Variants in OPN3 observed in about 807,000 individuals in gnomAD.
OPN3 encodes opsin 3, also known as opsin-3.
In OPN3, 29 loss-of-function variants were observed where a neutral mutation model predicts 33.8. The ratio of observed to expected loss-of-function variants is 0.86; its 90% CI spans 0.64 to 1.17. The LOEUF (loss-of-function observed/expected upper bound fraction) is 1.17. Ranked by LOEUF, OPN3 falls within the 50% of genes most tolerant of loss-of-function variation. OPN3 has a pLI of 0.00. For missense variants in OPN3, 437 were observed against 514.1 expected (o/e 0.85, Z 1.45); for synonymous variants, 216 against 216.1 (o/e 1.00, Z 0.00).
chr1:241,636,620 G>T (rs1167374534), intron 1 of OPN3, among the ~76,000 whole-genome samples: 1 of 151,964 alleles, frequency 6.6e-6, no homozygotes, highest in African/African-American at 2.4e-5. Flanking sequence ...TATTACAAAA[G>T]GATTAATTCA....
intron 2 of OPN3, among the ~76,000 whole-genome samples, chr1:241,604,012 G>C (rs1663752013): frequency 6.6e-6 from 1 of 152,160 alleles, no homozygotes; most frequent in South Asian, 2.1e-4. Context: ...TGCTGATTTT[G>C]TCAGTCAGAA....
intron 1 of OPN3, among the ~76,000 whole-genome samples, chr1:241,626,690 C>G (rs556311441): frequency 2.0e-5 from 3 of 152,252 alleles, no homozygotes; most frequent in Admixed American, 2.0e-4. Flanking sequence ...GTAAACTTAA[C>G]TTACAAATAT....
chr1:241,622,494 C>G (rs142570337), intron 1 of OPN3, among the ~76,000 whole-genome samples: 3,313 of 152,226 alleles, frequency 0.022, 51 homozygotes, highest in South Asian at 0.037. Context: ...CATGACAACC[C>G]ACCACCCACC....
chr1:241,595,571 A>G (rs1663481842), intron 3 of OPN3: 1 of 152,240 alleles, frequency 6.6e-6, no homozygotes. Flanking sequence ...CATTATTTAG[A>G]GCGAAATAAA....
intron 1 of OPN3, chr1:241,630,798 T>G (rs1162419878): frequency 6.6e-6 from 1 of 152,114 alleles, no homozygotes. Context: ...GATGAATTTT[T>G]GAAAAGTTAT....
rs756733101 is a variant in OPN3, at chr1:241,634,374, T to C, written c.373+5508A>G. On this transcript the variant is annotated intron_variant, in intron 1 of 3. Transcript: ENST00000366554. ...TGCTGATCTAAATCTGTCTTTAGTA[T>C]AGACTGATCTGTAATGAGTACTGCC... 6.2e-7 allele frequency: 1 copy of C among 1,613,858 alleles called. No homozygotes were observed. Among genetic ancestry groups the C allele is most frequent in the Non-Finnish European group, 8.5e-7 (1 of 1,179,916 alleles).
In OPN3 at chr1:241,624,494, G is replaced by A. The variant is rs35715154; in HGVS notation, c.373+15388C>T. ...AAGCATTCCTAGATTTCCCTAGCAG[G>A]ACTACTCTGTTTATATACTGCAGAA... On this transcript the variant is annotated intron_variant, in intron 1 of 3. Transcript: ENST00000366554. Among the ~76,000 whole-genome samples, 302 of 152,266 alleles carry A rather than the reference G, an allele frequency of 2.0e-3. 1 individual carries two copies. Among genetic ancestry groups the A allele is most frequent in the Non-Finnish European group, 3.6e-3 (244 of 68,026 alleles).
At chr1:241,599,704 G>T (rs185540331) in intron 2 of OPN3, among the ~76,000 whole-genome samples, 23 of 152,240 alleles carry the variant, frequency 1.5e-4, no homozygotes, top group Admixed American at 1.0e-3. Context: ...GGAATTAGAA[G>T]ATCTAAGTTT....
intron 1 of OPN3, among the ~76,000 whole-genome samples, chr1:241,610,089 G>A (rs1399625284): frequency 6.6e-6 from 1 of 152,182 alleles, no homozygotes; most frequent in Non-Finnish European, 1.5e-5. Flanking sequence ...ACCCCCCAGC[G>A]GTTTTGAAGA....
chr1:241,613,099 T>G (rs6668314), intron 1 of OPN3, among the ~76,000 whole-genome samples: 1,562 of 152,318 alleles, frequency 0.01, 39 homozygotes, highest in African/African-American at 0.036. Flanking sequence ...AAGTAACCAA[T>G]TCTTCTTTGA....
chr1:241,593,512 T>A lies in OPN3; in HGVS notation c.*916A>T, dbSNP rs552877776. 25 of 294,658 alleles carry A rather than the reference T, an allele frequency of 8.5e-5. No individual in the cohort carries two copies. The highest frequency in any genetic ancestry group is 7.0e-4 in the South Asian group (22 of 31,512). 18.3% of individuals were successfully genotyped at this position (294,658 alleles called of 1,614,324 possible). On this transcript the variant is annotated 3_prime_UTR_variant, in exon 4 of 4. Transcript: ENST00000366554. Reference sequence around the variant, plus strand: ...CAATGAAAACCTTGAGTTCTAATAATCCATGTTCAGTTTGTAGGGAAAGAA... The same window carrying A: ...CAATGAAAACCTTGAGTTCTAATAAACCATGTTCAGTTTGTAGGGAAAGAA...
At chr1:241,613,954 G>C (rs1398360573) in intron 1 of OPN3, 1 of 152,148 alleles carries the variant, frequency 6.6e-6, no homozygotes, top group Non-Finnish European at 1.5e-5. Flanking sequence ...GATCACCTGA[G>C]GTCAGGAGTT....
chr1:241,597,993 C>T lies in OPN3; in HGVS notation c.698G>A (p.Arg233His), dbSNP rs568529793. 5.1e-5 allele frequency: 82 copies of T among 1,612,648 alleles called. No individual in the cohort carries two copies. The Admixed American group carries it at 7.7e-4, about 15-fold the overall frequency. ...GHILYSIRML[R>H]CVEDLQTIQV... The stretch of plus-strand genomic sequence containing the variant: ...AATTGTCTGAAGATCTTCCACACAA[C>T]GAAGCTGCAGAAAGGAGAAAGAAAG... Residue 233 changes from arginine (R) to histidine (H), a missense_variant, in exon 3 of 4, where the codon CGT (arginine) becomes CAT (histidine). Transcript: ENST00000366554.
chr1:241,631,926 A>T (rs1302069760), intron 1 of OPN3: 1 of 152,112 alleles, frequency 6.6e-6, no homozygotes, highest in Non-Finnish European at 1.5e-5. Flanking sequence ...AGAATCACAA[A>T]AGGCTGGGTC....
chr1:241,627,547 C>G (rs1311825372), intron 1 of OPN3, among the ~76,000 whole-genome samples: 1 of 152,154 alleles, frequency 6.6e-6, no homozygotes, highest in Non-Finnish European at 1.5e-5. Context: ...ATGTAGTTGT[C>G]AAGAGAAAAG....
chr1:241,608,921 A>G (rs895920239), intron 1 of OPN3, among the ~76,000 whole-genome samples: 1 of 152,166 alleles, frequency 6.6e-6, no homozygotes, highest in Non-Finnish European at 1.5e-5. Flanking sequence ...TCTAATCTAC[A>G]TCTTCCTTGC....
At position 241,594,622 on chromosome 1, in the gene OPN3, G is replaced by A. The variant is rs138681461; in HGVS notation, c.1015C>T (p.Pro339Ser). 4 of 1,614,006 alleles carry A rather than the reference G, an allele frequency of 2.5e-6. No homozygotes were observed. Among genetic ancestry groups the A allele is most frequent in the African/African-American group, 2.7e-5 (2 of 74,912 alleles). The change falls in exon 4 of 4, where the codon CCA becomes TCA. Residue 339 changes from proline to serine, a missense_variant. Physicochemically the swap from Pro to Ser is moderately conservative, Grantham distance 74. Transcript: ENST00000366554. ...LRCQRPAKDL[P>S]AAGSEMQIRP... ...ATCTGCATTTCACTTCCAGCTGCTG[G>A]TAGGTCTTTAGCAGGCCTCTGGCAC... is the stretch of plus-strand genomic sequence containing the variant.
intron 1 of OPN3, chr1:241,614,218 G>T (rs1486312723): frequency 2.0e-5 from 3 of 151,272 alleles, no homozygotes; most frequent in Non-Finnish European, 4.4e-5. Flanking sequence ...ATATAGAAAT[G>T]TATTTCTGAC....
Position 241,640,165 on chromosome 1 carries a change from C to T in OPN3, c.90G>A (p.Leu30=), listed in dbSNP as rs1201849093. The change falls in exon 1 of 4, where the codon CTG becomes CTA. Residue 30 remains leucine, a synonymous_variant. Transcript: ENST00000366554. The stretch of plus-strand genomic sequence containing the variant: ...CGGGGCTGAAGAGGGGCGCGGGGCT[C>T]AGTGTCCCCGCCGGCGCCGGCCCCT... ...GAEGPAPAGT[L]SPAPLFSPGT... The T allele has an allele frequency of 1.4e-6, 2 of 1,471,536 alleles. No individual in the cohort carries two copies. The highest frequency in any genetic ancestry group is 2.7e-5 in the South Asian group (2 of 73,588). The allele number at this position is 1,471,536 out of a possible 1,614,324, so 91.2% of individuals were successfully genotyped here. A position where few individuals can be genotyped will look rare whatever the true frequency, so the allele number is the denominator to read the frequency against.
Sources: allele counts gnomAD v4.1 joint callset (sites outside exome capture counted in the v4.1 genomes callset), GRCh38; gene constraint gnomAD v4.1.1; transcripts MANE v1.5; gene names NCBI Gene and HGNC (gene_info 2026-07-23, HGNC 2026-07-21).